L1CAM: variants seen among roughly 807,000 people sequenced by gnomAD.
The protein encoded by L1CAM is neural cell adhesion molecule L1.
In L1CAM, 8 loss-of-function variants were observed where a neutral mutation model predicts 93.0. That is an observed-to-expected ratio of 0.09 (90% CI 0.05 to 0.16). The LOEUF (loss-of-function observed/expected upper bound fraction) is 0.16, where lower values mean the gene tolerates loss of function less well. Among genes scored for constraint, L1CAM ranks in the 10% least tolerant of loss-of-function variants. L1CAM has a pLI of 1.00. For synonymous variants in L1CAM, 453 were observed against 453.0 expected, an observed-to-expected ratio of 1.00 and a Z score of 0.00; for missense variants, 777 against 1,073.4, an observed-to-expected ratio of 0.72 and a Z score of 3.86.
Position 153,865,765 on chromosome X carries a change from A to G in L1CAM, c.2486T>C (p.Val829Ala), listed in dbSNP as rs781835959. 8.3e-7 allele frequency: 1 copy of G among 1,211,275 alleles called. No individual in the cohort carries two copies. Among genetic ancestry groups the G allele is most frequent in the Non-Finnish European group, 1.1e-6 (1 of 894,963 alleles). The change falls in exon 20 of 29, where the codon GTG (valine) becomes GCG (alanine). Residue 829 changes from valine to alanine, a missense_variant. By Grantham distance (64) the Val-to-Ala change is moderately conservative. Around this residue, in one of 5 missense-constraint regions of L1CAM, gnomAD observed 574 missense variants for 781.0 expected, o/e 0.73. Coordinates refer to ENST00000370060, the MANE Select transcript of L1CAM (RefSeq NM_001278116.2). ...EGIEILNSSA[V>A]LVKWRPVDLA... Reference sequence around the variant, plus strand: ...GTCCACCGGCCGCCACTTGACCAGCACGGCACTTGAGTTGAGGATTTCAAT... The same window carrying G: ...GTCCACCGGCCGCCACTTGACCAGCGCGGCACTTGAGTTGAGGATTTCAAT...
Position 153,868,026 on chromosome X carries a change from C to T in L1CAM, c.1800G>A (p.Val600=). The T allele has an allele frequency of 8.3e-7, 1 of 1,211,231 alleles. No individual in the cohort carries two copies. ...CCACCAAGAGCTGTGCCCTACTCTC[C>T]ACCACATCCAGTTCGGTACTGGCCA... The part of the protein sequence containing the change: ...SCVASTELDV[V]ESRAQLLVVG... The change falls in exon 15 of 29, where the codon GTG becomes GTA. Residue 600 remains valine (V), a synonymous_variant. Transcript: ENST00000370060.
At chrX:153,872,464 A>G (rs2036072961) in intron 4 of L1CAM, 110 bp from the exon 5 acceptor site, 1 of 943,508 alleles carries the variant, frequency 1.1e-6, no homozygotes, top group African/African-American at 1.9e-5. Context: ...ATGGACTGGG[A>G]GATGGCGAGG....
At chrX:153,883,782 C>T in intron 1 of L1CAM, 1 of 343,109 alleles carries the variant, frequency 2.9e-6, no homozygotes, top group Non-Finnish European at 5.9e-6. Flanking sequence ...CCAGGTTCTC[C>T]CATGAACGTG....
At position 153,867,524 on chromosome X, in the gene L1CAM, T is replaced by C. The variant is rs1557091406; in HGVS notation, c.1969A>G (p.Met657Val). ...KYDIEFEDKE[M>V]APEKWYSLGK... ...AGACTGTACCATTTTTCAGGCGCCA[T>C]TTCCTTGTCCTCAAATTCAATGTCA... is the stretch of plus-strand genomic sequence containing the variant. The change falls in exon 17 of 29, where the codon ATG (methionine) becomes GTG (valine). Residue 657 changes from methionine (M) to valine (V), a missense_variant. By Grantham distance (21) the Met-to-Val change is conservative. Around this residue, in one of 5 missense-constraint regions of L1CAM, gnomAD observed 574 missense variants for 781.0 expected, o/e 0.73. Coordinates refer to ENST00000370060, the MANE Select transcript of L1CAM (RefSeq NM_001278116.2). 8.3e-7 allele frequency: 1 copy of C among 1,210,356 alleles called. No individual in the cohort carries two copies. The highest frequency in any genetic ancestry group is 2.2e-5 in the Admixed American group (1 of 46,077).
intron 8 of L1CAM, 21 bp downstream of exon 8, chrX:153,870,367 G>A: frequency 1.7e-6 from 2 of 1,200,510 alleles, no homozygotes; most frequent in Non-Finnish European, 2.3e-6. Context: ...GCCCTGCCCT[G>A]CCCTGGGTTC....
In L1CAM at chrX:153,864,544, C is replaced by T. The variant is rs781938236; in HGVS notation, c.3166+41G>A. The T allele has an allele frequency of 1.5e-5, 18 of 1,207,357 alleles. No homozygotes were observed. In the South Asian group the frequency reaches 2.6e-4, roughly 18 times the overall value. The stretch of plus-strand genomic sequence containing the variant: ...CCAGGCAACCCCTCTGGCCCAGAGC[C>T]CCCTTCCCCACCACGCCCCAAGGCC... On this transcript the variant is annotated intron_variant, in intron 24 of 28. Transcript: ENST00000370060.
At chrX:153,863,106 C>T (rs1379908532) in intron 28 of L1CAM, among the ~76,000 whole-genome samples, 1 of 112,258 alleles carries the variant, frequency 8.9e-6, no homozygotes, top group African/African-American at 3.2e-5. Flanking sequence ...GTGCGCTCGG[C>T]CAGGGGATTA....
intron 3 of L1CAM, 194 bp downstream of exon 3, chrX:153,873,034 G>T: frequency 2.0e-6 from 1 of 488,381 alleles, no homozygotes; most frequent in South Asian, 2.9e-5. Flanking sequence ...GGAACAGTGA[G>T]GGTGACAGAG....
rs201978087 is a variant in L1CAM, at chrX:153,872,167, G to A, written c.385C>T (p.Arg129Trp). ...CGCCTCGCACCCTCGGCCATGAGCC[G>A]GATCTCATGGGACATGGCGGTGCCC... ...KLGTAMSHEI[R>W]LMAEGAPKWP... The change falls in exon 5 of 29, where the codon CGG becomes TGG. Residue 129 changes from arginine (R) to tryptophan (W), a missense_variant. By Grantham distance (101) the Arg-to-Trp change is moderately radical (BLOSUM62 -3). This residue lies in a region of L1CAM where 574 missense variants were observed against 781.0 expected (regional missense o/e 0.73). Transcript: ENST00000370060. 48 of 1,204,433 alleles carry A rather than the reference G, an allele frequency of 4.0e-5. No individual in the cohort carries two copies. Among genetic ancestry groups the A allele is most frequent in the Middle Eastern group, 2.3e-4 (1 of 4,361 alleles).
At chrX:153,881,476 G>A (rs1393369087) in intron 1 of L1CAM, among the ~76,000 whole-genome samples, 1 of 111,491 alleles carries the variant, frequency 9.0e-6, no homozygotes, top group Non-Finnish European at 1.9e-5. Flanking sequence ...GGCAAATGTC[G>A]GGGGCAGGGA....
intron 1 of L1CAM, among the ~76,000 whole-genome samples, chrX:153,877,799 C>T (rs1272292258): frequency 8.9e-6 from 1 of 112,194 alleles, no homozygotes; most frequent in East Asian, 2.8e-4. Context: ...GGACAGGGGT[C>T]AGGACAAGCT....
chrX:153,881,019 G>A (rs2064842111), intron 1 of L1CAM, among the ~76,000 whole-genome samples: 2 of 112,366 alleles, frequency 1.8e-5, no homozygotes, highest in Non-Finnish European at 3.8e-5. Flanking sequence ...GGGGTTCAGG[G>A]AGGACGGTCT....
chrX:153,864,068 C>T (rs2064689243), intron 25 of L1CAM, 51 bp from the exon 26 acceptor site: 1 of 1,205,025 alleles, frequency 8.3e-7, no homozygotes, highest in East Asian at 3.0e-5. Context: ...CAGAACCCGA[C>T]CTGAGGCCCT....
chrX:153,865,966 G>A, intron 19 of L1CAM, 147 bp from the exon 20 acceptor site: 1 of 487,912 alleles, frequency 2.0e-6, no homozygotes, highest in East Asian at 3.6e-5. Flanking sequence ...ATGGTCTCAA[G>A]ATCTCTTCCT....
chrX:153,874,302 C>T (rs146418737), intron 2 of L1CAM, among the ~76,000 whole-genome samples: 300 of 113,112 alleles, frequency 2.7e-3, no homozygotes, highest in Non-Finnish European at 4.8e-3. Flanking sequence ...TCTCCCCACT[C>T]CCATCTTTCT....
At chrX:153,879,457 C>T (rs1296837717) in intron 1 of L1CAM, among the ~76,000 whole-genome samples, 1 of 105,466 alleles carries the variant, frequency 9.5e-6, no homozygotes, top group Non-Finnish European at 2.0e-5. Flanking sequence ...GCGCGCAGGC[C>T]GCCTGCACAG....
intron 25 of L1CAM, 39 bp downstream of exon 25, chrX:153,864,283 G>T (rs782747711): frequency 1.7e-6 from 2 of 1,198,023 alleles, no homozygotes; most frequent in South Asian, 3.5e-5. Flanking sequence ...CAGCCCCCAT[G>T]CTTCCCTGGC....
At chrX:153,870,751 A>C (rs1217011326) in intron 7 of L1CAM, 39 bp downstream of exon 7, 3 of 1,175,935 alleles carry the variant, frequency 2.6e-6, no homozygotes, top group Non-Finnish European at 3.5e-6. Flanking sequence ...CTGAGGGTGA[A>C]AGGAGTCAGG....
At chrX:153,867,971 A>G (rs1557091593) in intron 15 of L1CAM, 27 bp downstream of exon 15, 1 of 1,210,069 alleles carries the variant, frequency 8.3e-7, no homozygotes, top group East Asian at 3.0e-5. Context: ...GGCCTTCTGG[A>G]GTGGAGGCTT....
Sources: allele counts gnomAD v4.1 joint callset (sites outside exome capture counted in the v4.1 genomes callset), GRCh38; gene constraint gnomAD v4.1.1; regional missense constraint gnomAD v4.1.1; transcripts MANE v1.5; gene names NCBI Gene and HGNC (gene_info 2026-07-23, HGNC 2026-07-21).